NR3C2: variants seen among roughly 807,000 people sequenced by gnomAD.
The protein encoded by NR3C2 is mineralocorticoid receptor.
Under a neutral mutation model 86.4 loss-of-function variants are expected in NR3C2, and 15 were observed. The ratio of observed to expected loss-of-function variants is 0.17; its 90% CI spans 0.12 to 0.27. The LOEUF (loss-of-function observed/expected upper bound fraction) is 0.27. NR3C2 is among the 10% of genes least tolerant of loss of function. NR3C2 has a pLI of 1.00. For missense variants in NR3C2, 960 were observed against 1,195.6 expected, an observed-to-expected ratio of 0.80 and a Z score of 2.91; for synonymous variants, 458 against 450.5, an observed-to-expected ratio of 1.02 and a Z score of -0.21.
At chr4:148,186,561 G>T (rs1222181697) in intron 4 of NR3C2, among the ~76,000 whole-genome samples, 1 of 152,064 alleles carries the variant, frequency 6.6e-6, no homozygotes, top group Non-Finnish European at 1.5e-5. Context: ...AGATACCAAA[G>T]TCCATGAATT....
chr4:148,422,934 T>C (rs957540733), intron 2 of NR3C2, among the ~76,000 whole-genome samples: 4 of 152,236 alleles, frequency 2.6e-5, no homozygotes, highest in African/African-American at 9.6e-5. Flanking sequence ...AACTCCTGTG[T>C]TTTTCTTTCC....
At chr4:148,412,819 G>A (rs1280581360) in intron 2 of NR3C2, among the ~76,000 whole-genome samples, 2 of 45,710 alleles carry the variant, frequency 4.4e-5, no homozygotes, top group Non-Finnish European at 8.8e-5. Flanking sequence ...GTGCACATGT[G>A]CGCACACACA....
chr4:148,405,489 A>T (rs1036864181), intron 2 of NR3C2, among the ~76,000 whole-genome samples: 1 of 152,208 alleles, frequency 6.6e-6, no homozygotes. Context: ...TCCCTAGGGA[A>T]GGATTTCACT....
At chr4:148,423,632 GGTTT>G (rs1177014327) in intron 2 of NR3C2, among the ~76,000 whole-genome samples, 1 of 152,140 alleles carries the variant, frequency 6.6e-6, no homozygotes, top group South Asian at 2.1e-4. Flanking sequence ...GGGGACATTT[GGTTT>G]GTTTCATATT....
intron 6 of NR3C2, among the ~76,000 whole-genome samples, chr4:148,148,255 T>C (rs1733958834): frequency 6.6e-6 from 1 of 152,170 alleles, no homozygotes; most frequent in South Asian, 2.1e-4. Context: ...AGACAGCTAA[T>C]TCTTCCCCTG....
chr4:148,139,843 C>T (rs1218589342), intron 6 of NR3C2, among the ~76,000 whole-genome samples: 1 of 152,208 alleles, frequency 6.6e-6, no homozygotes, highest in Non-Finnish European at 1.5e-5. Flanking sequence ...CCCTTCCCCA[C>T]ATGACCCTAT....
At chr4:148,104,488 G>A (rs1731704014) in intron 8 of NR3C2, among the ~76,000 whole-genome samples, 1 of 151,926 alleles carries the variant, frequency 6.6e-6, no homozygotes, top group African/African-American at 2.4e-5. Flanking sequence ...CCTTGTCAAA[G>A]AAGAAAGCAG....
chr4:148,111,826 G>A (rs1004155822), intron 8 of NR3C2, among the ~76,000 whole-genome samples: 1 of 152,168 alleles, frequency 6.6e-6, no homozygotes, highest in Admixed American at 6.5e-5. Flanking sequence ...TAATTGAGGA[G>A]AAGGAGTGTA....
chr4:148,272,695 A>G (rs1740749372), intron 2 of NR3C2, among the ~76,000 whole-genome samples: 1 of 152,224 alleles, frequency 6.6e-6, no homozygotes, highest in Non-Finnish European at 1.5e-5. Flanking sequence ...AACACTCTTA[A>G]AAGCAATTAC....
chr4:148,426,632 A>G (rs773714633), intron 2 of NR3C2, among the ~76,000 whole-genome samples: 5 of 152,098 alleles, frequency 3.3e-5, no homozygotes, highest in Admixed American at 6.5e-5. Context: ...TGCGTTGTTC[A>G]TCTTCTCAGT....
intron 3 of NR3C2, among the ~76,000 whole-genome samples, chr4:148,220,988 G>A (rs1347872258): frequency 6.6e-6 from 1 of 152,204 alleles, no homozygotes; most frequent in Non-Finnish European, 1.5e-5. Flanking sequence ...ATGCTAAGAG[G>A]AGTAAAATGA....
rs79921116 is a variant in NR3C2, at chr4:148,333,844, C to G, written c.1758-73727G>C. Among the ~76,000 whole-genome samples, 1,246 of 152,224 alleles carry G rather than the reference C, an allele frequency of 8.2e-3. 16 individuals are homozygous for G. Among genetic ancestry groups the G allele is most frequent in the African/African-American group, 0.028 (1,152 of 41,520 alleles). On this transcript the variant is annotated intron_variant, in intron 2 of 8. Transcript: ENST00000358102. The stretch of plus-strand genomic sequence containing the variant: ...CTGGGAATAAAAAAGCTGGAATTAG[C>G]CATTTCAAGGCTAGTCCTAGAAAGC...
chr4:148,107,954 G>A (rs1731877655), intron 8 of NR3C2, among the ~76,000 whole-genome samples: 1 of 152,094 alleles, frequency 6.6e-6, no homozygotes, highest in Middle Eastern at 3.2e-3. Flanking sequence ...CATGGCACAT[G>A]TATACCTACA....
At chr4:148,356,899 CTGTGTGTGTG>C (rs67285458) in intron 2 of NR3C2, among the ~76,000 whole-genome samples, 5 of 148,968 alleles carry the variant, frequency 3.4e-5, no homozygotes, top group South Asian at 2.1e-4. Flanking sequence ...CTAAGCACGA[CTGTGTGTGTG>C]TGTGTGTGTG....
intron 2 of NR3C2, among the ~76,000 whole-genome samples, chr4:148,423,019 G>A (rs1209665025): frequency 6.6e-6 from 1 of 152,038 alleles, no homozygotes. Context: ...AAAGGAACAG[G>A]TTTTGGGTCC....
intron 2 of NR3C2, 96 bp from the exon 3 acceptor site, chr4:148,260,213 G>C (rs1740027813): frequency 1.3e-6 from 2 of 1,483,088 alleles, no homozygotes; most frequent in Admixed American, 1.8e-5. Context: ...ATCATGGTTC[G>C]ATACAAGAAT....
chr4:148,211,814 A>G (rs952454202), intron 3 of NR3C2, among the ~76,000 whole-genome samples: 1 of 152,220 alleles, frequency 6.6e-6, no homozygotes, highest in African/African-American at 2.4e-5. Context: ...ATATAGCTGG[A>G]CTGATCCAAT....
chr4:148,148,683 C>T (rs535183740), intron 6 of NR3C2, among the ~76,000 whole-genome samples: 10 of 152,290 alleles, frequency 6.6e-5, no homozygotes, highest in African/African-American at 2.4e-4. Flanking sequence ...TGGGGAACAC[C>T]AGTTTAATCA....
At chr4:148,396,909 T>A (rs1296038430) in intron 2 of NR3C2, among the ~76,000 whole-genome samples, 1 of 152,166 alleles carries the variant, frequency 6.6e-6, no homozygotes, top group Admixed American at 6.5e-5. Flanking sequence ...ACAACTAAAT[T>A]TATAGAAGTT....
Sources: gnomAD v4.1 joint callset for allele counts (sites outside exome capture counted in the v4.1 genomes callset) on GRCh38, gnomAD v4.1.1 for gene constraint, MANE v1.5 for transcripts, NCBI Gene and HGNC (gene_info 2026-07-23, HGNC 2026-07-21) for gene names.